SDR42E2: variants seen among roughly 807,000 people sequenced by gnomAD.
SDR42E2 encodes putative short-chain dehydrogenase/reductase family 42E member 2.
In SDR42E2, 20 loss-of-function variants were observed where a neutral mutation model predicts 10.5. The observed-to-expected ratio is 1.90, with a 90% CI of 1.34 to 2.77. SDR42E2 has a LOEUF of 2.77. Ranked by LOEUF, SDR42E2 falls within the 30% of genes most tolerant of loss-of-function variation. The probability of loss-of-function intolerance (pLI) is 0.00; values close to 1 mark genes in which losing one functional copy is unlikely to be tolerated. For missense variants in SDR42E2, 162 were observed against 104.2 expected (o/e 1.55, Z -2.42); for synonymous variants, 72 against 39.2 (o/e 1.84, Z -3.12).
chr16:22,168,179 G>C (rs2046561131), intron 4 of SDR42E2, among the ~76,000 whole-genome samples: 1 of 152,074 alleles, frequency 6.6e-6, no homozygotes, highest in Non-Finnish European at 1.5e-5. Context: ...AGGATTGCTT[G>C]AGCCCAGGAG....
chr16:22,162,638 G>A (rs2046507404), intron 1 of SDR42E2, among the ~76,000 whole-genome samples, 74 bp downstream of exon 1: 1 of 152,194 alleles, frequency 6.6e-6, no homozygotes, highest in Non-Finnish European at 1.5e-5. Flanking sequence ...GGAGCCAAGA[G>A]GGGAGGGGAC....
At chr16:22,167,165 ATTTTTTTTTTTTTTTTTTTTT>A (rs534502295) in intron 4 of SDR42E2, among the ~76,000 whole-genome samples, 166 bp downstream of exon 4, 6 of 37,722 alleles carry the variant, frequency 1.6e-4, no homozygotes, top group South Asian at 7.6e-4. Context: ...CAGTTCTGCC[ATTTTTTTTTTTTTTTTTTTTT>A]TTTTTTTTTT....
intron 4 of SDR42E2, among the ~76,000 whole-genome samples, chr16:22,167,759 C>T (rs2046556257): frequency 6.6e-6 from 1 of 152,020 alleles, no homozygotes; most frequent in African/African-American, 2.4e-5. Context: ...CAGTCAAATT[C>T]TATGCAGCCA....
intron 6 of SDR42E2, among the ~76,000 whole-genome samples, chr16:22,171,218 T>C (rs2046597604): frequency 6.6e-6 from 1 of 152,002 alleles, no homozygotes; most frequent in Non-Finnish European, 1.5e-5. Flanking sequence ...ACTTAAGCCC[T>C]TTGAGCCTGT....
chr16:22,170,944 T>C lies in SDR42E2; in HGVS notation c.506T>C (p.Leu169Ser), dbSNP rs1836456535. Residue 169 changes from leucine to serine, a missense_variant, in exon 6 of 13, where the codon TTG becomes TCG. Physicochemically the swap from Leu to Ser is moderately radical, Grantham distance 145. Coordinates refer to ENST00000602312, the MANE Select transcript of SDR42E2 (RefSeq NM_001394319.2). ...GDEDSVPYFP[L>S]DEHVDHYSRT... is the part of the protein sequence containing the mutation. ...GAGGACTCTGTGCCATATTTCCCAT[T>C]GGACGAGGTACCTGTCTTCCGGGAG... 2 of 703,014 alleles carry C rather than the reference T, an allele frequency of 2.8e-6. No homozygotes were observed. Among genetic ancestry groups the C allele is most frequent in the East Asian group, 2.7e-5 (1 of 37,294 alleles). 43.5% of individuals were successfully genotyped at this position (703,014 alleles called of 1,614,324 possible). A position where few individuals can be genotyped will look rare whatever the true frequency, so the allele number is the denominator to read the frequency against.
In SDR42E2 at chr16:22,162,547, C is replaced by G. The variant is rs114431989; in HGVS notation, c.-54C>G. 0.085 allele frequency among the ~76,000 whole-genome samples: 12,992 copies of G among 152,190 alleles called. 621 individuals carry two copies. Among genetic ancestry groups the G allele is most frequent in the African/African-American group, 0.12 (4,901 of 41,528 alleles). On this transcript the variant is annotated 5_prime_UTR_variant, in exon 1 of 13. Transcript: ENST00000602312. ...GCGCAGCGCGGGGAGCACGCAGCGCCGCGGGAGCCCGGGCCAGGTGAGCGA... is the reference window on the plus strand; with the variant it reads ...GCGCAGCGCGGGGAGCACGCAGCGCGGCGGGAGCCCGGGCCAGGTGAGCGA...
chr16:22,186,824 C>A (rs1002395090), intron 12 of SDR42E2, 30 bp downstream of exon 12: 1 of 316,522 alleles, frequency 3.2e-6, no homozygotes. Context: ...GGGACCTAGG[C>A]CCTGCTCCCC....
At chr16:22,164,318 G>A (rs2046518845) in intron 1 of SDR42E2, among the ~76,000 whole-genome samples, 1 of 152,128 alleles carries the variant, frequency 6.6e-6, no homozygotes, top group Non-Finnish European at 1.5e-5. Context: ...CAGCACTTTG[G>A]GAGGCTGAGG....
At position 22,181,554 on chromosome 16, in the gene SDR42E2, TG is replaced by T. The variant is rs1248617429; in HGVS notation, c.712del (p.Asp238ThrfsTer6). On this transcript the variant is annotated frameshift_variant, in exon 9 of 13. Coordinates refer to ENST00000602312, the MANE Select transcript of SDR42E2 (RefSeq NM_001394319.2). LOFTEE classifies it high-confidence loss of function. The part of the protein sequence containing the change: ...IKKRLFMFRF[G>X]DHKARMNWVH... Reference sequence around the variant, plus strand: ...AGAAGAGGCTGTTCATGTTCCGATTTGGGGACCACAAGGCACGGATGAACTG... The same window carrying T: ...AGAAGAGGCTGTTCATGTTCCGATTTGGGACCACAAGGCACGGATGAACTG... 2.8e-6 allele frequency: 2 copies of T among 703,038 alleles called. No homozygotes were observed. Among genetic ancestry groups the T allele is most frequent in the Non-Finnish European group, 5.2e-6 (2 of 385,010 alleles). The allele number at this position is 703,038 out of a possible 1,614,324, so 43.5% of individuals were successfully genotyped here.
At chr16:22,182,700 C>G (rs1024578466) in intron 10 of SDR42E2, among the ~76,000 whole-genome samples, 21 of 152,166 alleles carry the variant, frequency 1.4e-4, no homozygotes, top group Admixed American at 1.4e-3. Flanking sequence ...GAAGATTTCA[C>G]GTCAAAAACC....
intron 10 of SDR42E2, among the ~76,000 whole-genome samples, chr16:22,182,558 G>C (rs892979766): frequency 2.6e-5 from 4 of 152,038 alleles, no homozygotes; most frequent in Non-Finnish European, 5.9e-5. Flanking sequence ...ATGTTTGCCA[G>C]GCTGGTCTCA....
intron 7 of SDR42E2, among the ~76,000 whole-genome samples, chr16:22,175,853 C>T (rs542944183): frequency 7.3e-5 from 11 of 151,324 alleles, no homozygotes; most frequent in African/African-American, 1.5e-4. Flanking sequence ...ATTAGTGGGG[C>T]GTGGTGGCAG....
chr16:22,186,690 C>T, intron 11 of SDR42E2, 31 bp from the exon 12 acceptor site: 1 of 401,180 alleles, frequency 2.5e-6, no homozygotes, highest in Non-Finnish European at 4.4e-6. Context: ...AATGTGAGGC[C>T]CCTGGTCACT....
At chr16:22,183,022 A>T (rs1490968703) in intron 10 of SDR42E2, among the ~76,000 whole-genome samples, 1 of 151,870 alleles carries the variant, frequency 6.6e-6, no homozygotes, top group Admixed American at 6.6e-5. Flanking sequence ...CAATTTTTTT[A>T]AAAAAACACC....
chr16:22,181,900 C>T (rs1272923185), intron 9 of SDR42E2, among the ~76,000 whole-genome samples: 1 of 152,156 alleles, frequency 6.6e-6, no homozygotes, highest in Non-Finnish European at 1.5e-5. Context: ...ATAACAGCTG[C>T]CAGATGCTAA....
chr16:22,166,835 G>T (rs1049907776), intron 3 of SDR42E2, 69 bp from the exon 4 acceptor site: 5 of 479,456 alleles, frequency 1.0e-5, no homozygotes, highest in Admixed American at 9.4e-5. Context: ...GACCAGGCAA[G>T]GTGCAGAGGT....
In SDR42E2 at chr16:22,190,868, G is replaced by A. The variant is rs576956855; in HGVS notation, c.*475G>A. 8.6e-4 allele frequency: 56 copies of A among 64,946 alleles called. 2 individuals are homozygous for A. Among genetic ancestry groups the A allele is most frequent in the African/African-American group, 3.6e-3 (54 of 15,008 alleles). 4.0% of individuals were successfully genotyped at this position (64,946 alleles called of 1,614,324 possible). A position where few individuals can be genotyped will look rare whatever the true frequency, so the allele number is the denominator to read the frequency against. The stretch of plus-strand genomic sequence containing the variant: ...AGCCCCGCCCCCGTTTTATAACCCC[G>A]CCCCTGCTTCACGGCTTGGGCACGC... On this transcript the variant is annotated 3_prime_UTR_variant, in exon 13 of 13. Transcript: ENST00000602312.
chr16:22,187,840 G>C (rs1567246501), intron 12 of SDR42E2, among the ~76,000 whole-genome samples: 1 of 151,838 alleles, frequency 6.6e-6, no homozygotes, highest in Non-Finnish European at 1.5e-5. Flanking sequence ...GCTCACACTT[G>C]TTCCCAGCAC....
chr16:22,165,703 T>A (rs2142056903), intron 2 of SDR42E2, 66 bp downstream of exon 2: 2 of 401,970 alleles, frequency 5.0e-6, no homozygotes, highest in East Asian at 7.1e-5. Context: ...TGGCTCAGGG[T>A]CTGAGTCAAG....
Sources: gnomAD v4.1 joint callset for allele counts (sites outside exome capture counted in the v4.1 genomes callset) on GRCh38, gnomAD v4.1.1 for gene constraint, MANE v1.5 for transcripts, NCBI Gene and HGNC (gene_info 2026-07-23, HGNC 2026-07-21) for gene names.